The following SSBP4 variants were observed in gnomAD, a reference collection of about 807,000 sequenced individuals.
The protein encoded by SSBP4 is single-stranded DNA-binding protein 4.
In SSBP4, 33 loss-of-function variants were observed where a neutral mutation model predicts 64.6. The ratio of observed to expected loss-of-function variants is 0.51; its 90% CI spans 0.39 to 0.68. The LOEUF (loss-of-function observed/expected upper bound fraction) is 0.68, where lower values mean the gene tolerates loss of function less well. Among genes scored for constraint, SSBP4 ranks in the 30% least tolerant of loss-of-function variants. The pLI is 0.00. For missense variants in SSBP4, 583 were observed against 566.8 expected (o/e 1.03, Z -0.29); for synonymous variants, 243 against 224.0 (o/e 1.08, Z -0.76).
chr19:18,418,711 CTG>C (rs1244243985), upstream of SSBP4, among the ~76,000 whole-genome samples: 1 of 152,222 alleles, frequency 6.6e-6, no homozygotes, highest in Non-Finnish European at 1.5e-5. This position sits in a 1 kb window ranked among gnomAD's most constrained non-coding sequence, Gnocchi z 6.7. Context: ...GGCCCTGTGA[CTG>C]TGGAGCTGGG....
At chr19:18,419,316 C>T (rs1972254548), upstream of SSBP4, 1 of 1,006,714 alleles carries the variant, frequency 9.9e-7, no homozygotes, top group Non-Finnish European at 1.2e-6. Context: ...GCGCGCCCGC[C>T]ATCGCCCCTT....
the SSBP4 span, among the ~76,000 whole-genome samples, chr19:18,404,487 G>A: frequency 1.3e-5 from 2 of 151,782 alleles, no homozygotes; most frequent in South Asian, 2.1e-4. Flanking sequence ...CCAGCTACTC[G>A]GGAGGCTGAG....
chr19:18,433,932 G>GGT (rs1173559622), intron 17 of SSBP4, 115 bp downstream of exon 17: 2 of 1,249,282 alleles, frequency 1.6e-6, no homozygotes, highest in Non-Finnish European at 2.0e-6. Flanking sequence ...CGGCGGGCCA[G>GGT]GTGGGGGGGC....
At chr19:18,407,055 G>T in the SSBP4 span, among the ~76,000 whole-genome samples, 2 of 151,566 alleles carry the variant, frequency 1.3e-5, no homozygotes, top group African/African-American at 2.4e-5. Context: ...TATTATTTTT[G>T]AGATGGAGTC....
At chr19:18,414,372 G>C (rs930801645), upstream of SSBP4, among the ~76,000 whole-genome samples, 3 of 152,060 alleles carry the variant, frequency 2.0e-5, no homozygotes, top group Non-Finnish European at 2.9e-5. Flanking sequence ...CATGCATTTG[G>C]TCCCAGCTAC....
the SSBP4 span, among the ~76,000 whole-genome samples, chr19:18,403,485 G>A: frequency 8.0e-4 from 121 of 152,190 alleles, no homozygotes; most frequent in Non-Finnish European, 1.1e-3. Flanking sequence ...GGATGTGAGG[G>A]TTCTGAGGTC....
intron 1 of SSBP4, among the ~76,000 whole-genome samples, chr19:18,421,209 C>T (rs1311911205): frequency 6.6e-6 from 1 of 152,252 alleles, no homozygotes; most frequent in Admixed American, 6.5e-5. Context: ...AGAAGAGGCT[C>T]TTCTGGCTAG....
the SSBP4 span, among the ~76,000 whole-genome samples, chr19:18,411,499 A>G: frequency 6.7e-6 from 1 of 150,262 alleles, no homozygotes; most frequent in Non-Finnish European, 1.5e-5. Context: ...CGTCTTAAAG[A>G]AAAAAAAAAG....
the SSBP4 span, among the ~76,000 whole-genome samples, chr19:18,411,495 A>G: frequency 6.6e-6 from 1 of 152,060 alleles, no homozygotes; most frequent in Non-Finnish European, 1.5e-5. Flanking sequence ...ACTTCGTCTT[A>G]AAGAAAAAAA....
upstream of SSBP4, among the ~76,000 whole-genome samples, chr19:18,415,752 C>T (rs1285176341): frequency 6.6e-6 from 1 of 152,220 alleles, no homozygotes; most frequent in Non-Finnish European, 1.5e-5. Context: ...ATGGGTGGGA[C>T]TGTGCAGGGT....
At chr19:18,429,080 C>A (rs976891178) in intron 4 of SSBP4, among the ~76,000 whole-genome samples, 1 of 152,114 alleles carries the variant, frequency 6.6e-6, no homozygotes, top group African/African-American at 2.4e-5. Context: ...GACCGCAGGG[C>A]CCAGGGCGGA....
the SSBP4 span, among the ~76,000 whole-genome samples, chr19:18,411,644 C>T: frequency 7.9e-5 from 12 of 152,214 alleles, no homozygotes; most frequent in Admixed American, 2.6e-4. Context: ...AAAGGTATCC[C>T]GGCCAGGAGA....
chr19:18,433,114 A>ACGCTGT (rs1393599735), intron 14 of SSBP4, 21 bp from the exon 15 acceptor site: 2 of 1,612,138 alleles, frequency 1.2e-6, no homozygotes, highest in African/African-American at 2.7e-5. Flanking sequence ...CCCGAGTCCC[A>ACGCTGT]CGCTGTCCCC....
chr19:18,407,148 A>G, the SSBP4 span, among the ~76,000 whole-genome samples: 74,561 of 151,562 alleles, frequency 0.49, 18,654 homozygotes, highest in African/African-American at 0.53. Flanking sequence ...AGCGATTCTC[A>G]TGACTCAACT....
chr19:18,419,775 C>T, intron 1 of SSBP4, 68 bp downstream of exon 1: 2 of 1,067,064 alleles, frequency 1.9e-6, no homozygotes, highest in Non-Finnish European at 2.3e-6. Flanking sequence ...CGGGCGGGCA[C>T]CGCGCGGGGC....
intron 1 of SSBP4, among the ~76,000 whole-genome samples, chr19:18,422,507 A>G (rs761734600): frequency 6.6e-6 from 1 of 152,220 alleles, no homozygotes; most frequent in Non-Finnish European, 1.5e-5. Flanking sequence ...GAAAGCCTGG[A>G]AAACGCCAGA....
intron 4 of SSBP4, among the ~76,000 whole-genome samples, chr19:18,430,542 T>G (rs911645925): frequency 2.0e-5 from 3 of 151,928 alleles, no homozygotes; most frequent in South Asian, 2.1e-4. Context: ...ATTTGGGGGG[T>G]CCTGAGTAGA....
Position 18,434,300 on chromosome 19 carries a change from T to G in SSBP4, c.*54T>G. The stretch of plus-strand genomic sequence containing the variant: ...GGCCTAGGCTTCTGCCCAGCGCCCC[T>G]GCTCAGGGCGAGGGGCTGAGGTCAC... On this transcript the variant is annotated 3_prime_UTR_variant, in exon 18 of 18. Coordinates refer to ENST00000270061, the MANE Select transcript of SSBP4 (RefSeq NM_032627.5). The G allele has an allele frequency of 6.2e-7, 1 of 1,604,378 alleles. No homozygotes were observed. The highest frequency in any genetic ancestry group is 8.5e-7 in the Non-Finnish European group (1 of 1,176,232).
At chr19:18,416,031 G>A (rs1304907373), upstream of SSBP4, among the ~76,000 whole-genome samples, 1 of 152,094 alleles carries the variant, frequency 6.6e-6, no homozygotes, top group East Asian at 1.9e-4. Flanking sequence ...AGTTTTTGTT[G>A]TTGTTATTTT....
Sources: gnomAD v4.1 joint callset for allele counts (sites outside exome capture counted in the v4.1 genomes callset) on GRCh38, gnomAD v4.1.1 for gene constraint, Gnocchi (gnomAD v3.1) non-coding constraint, MANE v1.5 for transcripts, NCBI Gene and HGNC (gene_info 2026-07-23, HGNC 2026-07-21) for gene names.